Variants in PCDHA7 observed in about 807,000 individuals in gnomAD.
The protein encoded by PCDHA7 is protocadherin alpha 7, also known as protocadherin alpha-7.
Under a neutral mutation model 57.2 loss-of-function variants are expected in PCDHA7, and 37 were observed. The ratio of observed to expected loss-of-function variants is 0.65; its 90% CI spans 0.50 to 0.85. PCDHA7 has a LOEUF of 0.85. PCDHA7 is among the 40% of genes least tolerant of loss of function. The pLI is 0.00. For missense variants in PCDHA7, 1,188 were observed against 1,241.8 expected (o/e 0.96, Z 0.65); for synonymous variants, 553 against 558.8 (o/e 0.99, Z 0.15).
At chr5:140,925,108 G>GAAGGAA (rs2082318586) in intron 1 of PCDHA7, among the ~76,000 whole-genome samples, 1 of 124,702 alleles carries the variant, frequency 8.0e-6, no homozygotes, top group African/African-American at 3.3e-5. Context: ...GAAGGAAGGA[G>GAAGGAA]GGAAGGAAGG....
In PCDHA7 at chr5:140,876,830, C is replaced by T. The variant is rs199585768; in HGVS notation, c.2355+40092C>T. The T allele has an allele frequency of 3.4e-4, 552 of 1,614,204 alleles. 1 individual carries two copies. Among genetic ancestry groups the T allele is most frequent in the South Asian group, 1.5e-3 (138 of 91,090 alleles). On this transcript the variant is annotated intron_variant, in intron 1 of 3. Coordinates refer to ENST00000525929, the MANE Select transcript of PCDHA7 (RefSeq NM_018910.3). ...GTGGCCGACGTGAACGACAATGCGC[C>T]TGCGTTCGCGCAGCCCGAGTACACA...
chr5:140,952,913 A>G (rs1013502361), intron 1 of PCDHA7, among the ~76,000 whole-genome samples: 6 of 152,092 alleles, frequency 3.9e-5, no homozygotes, highest in African/African-American at 1.4e-4. Flanking sequence ...CTCATCTTAC[A>G]TGGCATGAGC....
At chr5:140,883,922 C>T in intron 1 of PCDHA7, 1 of 1,613,240 alleles carries the variant, frequency 6.2e-7, no homozygotes, top group Non-Finnish European at 8.5e-7. Context: ...CGTGACGCTG[C>T]AGGTGTTCGT....
intron 1 of PCDHA7, chr5:140,967,903 A>C: frequency 6.2e-7 from 1 of 1,614,112 alleles, no homozygotes; most frequent in Non-Finnish European, 8.5e-7. Flanking sequence ...AGAATGCTAC[A>C]CCCAACACCA....
At chr5:140,904,116 T>C (rs1233566335) in intron 1 of PCDHA7, among the ~76,000 whole-genome samples, 3 of 152,180 alleles carry the variant, frequency 2.0e-5, no homozygotes, top group African/African-American at 7.2e-5. Context: ...TTGCTGAGAT[T>C]TTGGTGCACC....
chr5:140,858,025 G>A, intron 1 of PCDHA7: 1 of 1,596,948 alleles, frequency 6.3e-7, no homozygotes, highest in Non-Finnish European at 8.6e-7. Context: ...CGTCGCTGAC[G>A]GCCACGGCCA....
chr5:140,847,204 C>G (rs916100190), intron 1 of PCDHA7, among the ~76,000 whole-genome samples: 5 of 149,612 alleles, frequency 3.3e-5, no homozygotes, highest in African/African-American at 1.2e-4. Flanking sequence ...TTTGGCCACT[C>G]TTTAGAATTA....
intron 3 of PCDHA7, among the ~76,000 whole-genome samples, chr5:140,990,715 A>T (rs927680875): frequency 1.3e-5 from 2 of 152,194 alleles, no homozygotes; most frequent in Admixed American, 6.5e-5. Flanking sequence ...GGATAAGAGC[A>T]TCACTAGGTA....
At chr5:140,957,109 T>C (rs2095334016) in intron 1 of PCDHA7, among the ~76,000 whole-genome samples, 1 of 152,174 alleles carries the variant, frequency 6.6e-6, no homozygotes, top group Non-Finnish European at 1.5e-5. Context: ...ATGGACATGA[T>C]TCTGTGTGTT....
chr5:140,840,456 A>C (rs1776712177), intron 1 of PCDHA7, among the ~76,000 whole-genome samples: 1 of 151,992 alleles, frequency 6.6e-6, no homozygotes, highest in African/African-American at 2.4e-5. Flanking sequence ...ACGTTAAATA[A>C]AAAGTTGGGG....
At chr5:140,992,236 G>A (rs1431521103) in intron 3 of PCDHA7, among the ~76,000 whole-genome samples, 1 of 152,168 alleles carries the variant, frequency 6.6e-6, no homozygotes, top group African/African-American at 2.4e-5. Context: ...GAAGAGTAAG[G>A]AAGGAAGTAG....
At position 140,836,346 on chromosome 5, in the gene PCDHA7, G is replaced by A; in HGVS notation, c.1963G>A (p.Gly655Arg). ...CCTTCTGGTGCTTGTGAAGGACCAC[G>A]GGGAGCCCTCGCTGACAGCCACAGC... is the stretch of plus-strand genomic sequence containing the variant. The part of the protein sequence containing the change: ...HRLLVLVKDH[G>R]EPSLTATATV... The change falls in exon 1 of 4, where the codon GGG becomes AGG. Residue 655 changes from glycine to arginine, a missense_variant. Around this residue, in one of 3 missense-constraint regions of PCDHA7, gnomAD observed 892 missense variants for 788.5 expected, o/e 1.13. Coordinates refer to ENST00000525929, the MANE Select transcript of PCDHA7 (RefSeq NM_018910.3). The A allele has an allele frequency of 1.2e-6, 2 of 1,613,696 alleles. No individual in the cohort carries two copies. The highest frequency in any genetic ancestry group is 1.7e-5 in the Admixed American group (1 of 60,022).
chr5:140,875,040 T>G (rs1369679625), intron 1 of PCDHA7, among the ~76,000 whole-genome samples: 1 of 152,234 alleles, frequency 6.6e-6, no homozygotes, highest in East Asian at 1.9e-4. Context: ...ATTTGAAAGA[T>G]TTCTACTTTG....
At chr5:140,877,205 GCGAGTTGGTACCGCGGT>G in intron 1 of PCDHA7, 1 of 1,613,826 alleles carries the variant, frequency 6.2e-7, no homozygotes, top group Non-Finnish European at 8.5e-7. Flanking sequence ...GGCGCAGTTA[GCGAGTTGGTACCGCGGT>G]CGGTGGGTGC....
rs148828100 is a variant in PCDHA7, at chr5:140,841,462, G to C, written c.2355+4724G>C. The stretch of plus-strand genomic sequence containing the variant: ...CCAAACACGGCACCTTCGTGGGCCG[G>C]ATCGCGCAGGACCTGGGGCTGGAGC... On this transcript the variant is annotated intron_variant, in intron 1 of 3. Coordinates refer to ENST00000525929, the MANE Select transcript of PCDHA7 (RefSeq NM_018910.3). 2.4e-3 allele frequency: 3,771 copies of C among 1,566,800 alleles called. 62 individuals are homozygous for C. Among genetic ancestry groups the C allele is most frequent in the African/African-American group, 0.015 (1,090 of 73,024 alleles).
intron 1 of PCDHA7, among the ~76,000 whole-genome samples, chr5:140,872,204 C>T (rs1475899671): frequency 6.6e-6 from 1 of 151,738 alleles, no homozygotes. Flanking sequence ...ATCATAAATT[C>T]ATTATATATG....
chr5:140,841,344 A>G, intron 1 of PCDHA7: 5 of 1,612,282 alleles, frequency 3.1e-6, no homozygotes, highest in Non-Finnish European at 4.2e-6. Flanking sequence ...TGGCGAGGAG[A>G]GCTGGGATCC....
intron 1 of PCDHA7, chr5:140,871,009 C>T (rs1288290775): frequency 1.9e-6 from 3 of 1,613,246 alleles, no homozygotes; most frequent in African/African-American, 2.7e-5. Flanking sequence ...AACGCGTGCC[C>T]TGGACGAGGC....
intron 1 of PCDHA7, chr5:140,876,755 G>C (rs782037862): frequency 1.9e-6 from 3 of 1,614,248 alleles, no homozygotes; most frequent in Non-Finnish European, 1.7e-6. Flanking sequence ...GTGACTGCGC[G>C]GGATGGGGGC....
Sources: allele counts gnomAD v4.1 joint callset (sites outside exome capture counted in the v4.1 genomes callset), GRCh38; gene constraint gnomAD v4.1.1; regional missense constraint gnomAD v4.1.1; transcripts MANE v1.5; gene names NCBI Gene and HGNC (gene_info 2026-07-23, HGNC 2026-07-21).